PAPSS1: variants seen among roughly 807,000 people sequenced by gnomAD.
PAPSS1 encodes the protein bifunctional 3'-phosphoadenosine 5'-phosphosulfate synthase 1.
PAPSS1 carries 50 observed loss-of-function variants against 72.0 expected under a neutral mutation model. The ratio of observed to expected loss-of-function variants is 0.69; its 90% CI spans 0.55 to 0.88. PAPSS1 has a LOEUF of 0.88. Among genes scored for constraint, PAPSS1 ranks in the 40% least tolerant of loss-of-function variants. PAPSS1 has a pLI of 0.00. For missense variants in PAPSS1, 657 were observed against 782.2 expected (o/e 0.84, Z 1.91); for synonymous variants, 261 against 263.6 (o/e 0.99, Z 0.09).
intron 9 of PAPSS1, among the ~76,000 whole-genome samples, chr4:107,649,983 T>C (rs960983344): frequency 6.6e-6 from 1 of 152,226 alleles, no homozygotes; most frequent in African/African-American, 2.4e-5. Flanking sequence ...GATGTGTGTA[T>C]TAAAGATTTC....
At chr4:107,626,657 T>C (rs187145264) in intron 11 of PAPSS1, among the ~76,000 whole-genome samples, 4 of 152,344 alleles carry the variant, frequency 2.6e-5, no homozygotes, top group African/African-American at 9.6e-5. Context: ...TACATTGGTA[T>C]TTAATCAAAT....
At chr4:107,636,553 T>G (rs2067323867) in intron 10 of PAPSS1, among the ~76,000 whole-genome samples, 1 of 151,996 alleles carries the variant, frequency 6.6e-6, no homozygotes, top group African/African-American at 2.4e-5. Context: ...GTATGAATTC[T>G]AAGAAATCAA....
Position 107,687,166 on chromosome 4 carries a change from A to G in PAPSS1, c.423T>C (p.Asn141=), listed in dbSNP as rs752848504. 6.4e-7 allele frequency: 1 copy of G among 1,574,734 alleles called. No individual in the cohort carries two copies. Among genetic ancestry groups the G allele is most frequent in the Non-Finnish European group, 8.6e-7 (1 of 1,167,734 alleles). ...FISPYTQDRN[N]ARQIHEGASL... ...TTGCACCTTCATGAATTTGCCTTGC[A>G]TTGTTGCGATCCTTAAAAAAAAATA... The change falls in exon 4 of 12, where the codon AAT becomes AAC. Residue 141 remains asparagine, a synonymous_variant. Transcript: ENST00000265174.
chr4:107,643,267 CT>C (rs1425792788), intron 10 of PAPSS1, among the ~76,000 whole-genome samples: 1 of 152,224 alleles, frequency 6.6e-6, no homozygotes, highest in Non-Finnish European at 1.5e-5. Flanking sequence ...GGAGCGGGCT[CT>C]CCAGCAGCTG....
At chr4:107,658,504 C>A (rs879902658) in intron 6 of PAPSS1, among the ~76,000 whole-genome samples, 2 of 152,038 alleles carry the variant, frequency 1.3e-5, no homozygotes, top group African/African-American at 4.8e-5. Context: ...GTCAAAGGAC[C>A]GATGAACAAT....
intron 11 of PAPSS1, among the ~76,000 whole-genome samples, chr4:107,620,292 T>C (rs796540681): frequency 1.5e-4 from 23 of 152,312 alleles, no homozygotes; most frequent in African/African-American, 5.3e-4. Flanking sequence ...TCAAACATAG[T>C]ATACATCAAA....
Position 107,660,017 on chromosome 4 carries a change from T to C in PAPSS1, c.725A>G (p.Asn242Ser). 6.2e-7 allele frequency: 1 copy of C among 1,608,944 alleles called. No homozygotes were observed. Among genetic ancestry groups the C allele is most frequent in the Non-Finnish European group, 8.5e-7 (1 of 1,177,134 alleles). ...ATCTGTTTTTGCCAAATGAAGTTTA[T>C]TTTCTGGCACATATAGTTCTTTTAC... ...YEVKELYVPE[N>S]KLHLAKTDAE... Residue 242 changes from asparagine to serine, a missense_variant, in exon 6 of 12, where the codon AAT (asparagine) becomes AGT (serine). Coordinates refer to ENST00000265174, the MANE Select transcript of PAPSS1 (RefSeq NM_005443.5).
At chr4:107,694,257 A>G (rs558115366) in intron 2 of PAPSS1, 7 of 424,716 alleles carry the variant, frequency 1.6e-5, no homozygotes, top group South Asian at 1.1e-4. Context: ...AGAATTCTCA[A>G]TATGTTGCGC....
chr4:107,663,709 G>C (rs1165073607), intron 5 of PAPSS1, among the ~76,000 whole-genome samples: 1 of 152,158 alleles, frequency 6.6e-6, no homozygotes, highest in Admixed American at 6.5e-5. Flanking sequence ...TACATGCCAG[G>C]AACTGTTTAA....
chr4:107,614,552 A>AAC (rs3083991), intron 11 of PAPSS1, among the ~76,000 whole-genome samples, 165 bp from the exon 12 acceptor site: 89,344 of 151,738 alleles, frequency 0.59, 26,406 homozygotes, highest in Middle Eastern at 0.65. Context: ...CTGAACAAAA[A>AAC]ACCACTATTG....
chr4:107,675,120 A>C (rs1369150293), intron 5 of PAPSS1, among the ~76,000 whole-genome samples: 1 of 152,218 alleles, frequency 6.6e-6, no homozygotes, highest in Non-Finnish European at 1.5e-5. Context: ...CGCAATTAAA[A>C]GAACTAGAGA....
intron 3 of PAPSS1, among the ~76,000 whole-genome samples, chr4:107,688,806 C>G (rs56761174): frequency 2.0e-4 from 30 of 152,256 alleles, no homozygotes; most frequent in African/African-American, 7.0e-4. Flanking sequence ...ACACACATGT[C>G]CAAATTCTTC....
chr4:107,690,495 C>T (rs186229817), intron 3 of PAPSS1, among the ~76,000 whole-genome samples: 3 of 152,336 alleles, frequency 2.0e-5, no homozygotes, highest in East Asian at 3.9e-4. Context: ...TGTACTTCAT[C>T]ACTTGCCTCA....
At chr4:107,671,805 T>C (rs1055529081) in intron 5 of PAPSS1, among the ~76,000 whole-genome samples, 1 of 152,200 alleles carries the variant, frequency 6.6e-6, no homozygotes, top group Non-Finnish European at 1.5e-5. Flanking sequence ...GTAAATGTTA[T>C]ATAAGTATAT....
chr4:107,665,836 AC>A (rs1727301285), intron 5 of PAPSS1, among the ~76,000 whole-genome samples: 1 of 152,196 alleles, frequency 6.6e-6, no homozygotes, highest in African/African-American at 2.4e-5. Context: ...TTTTACCTGG[AC>A]ACTGGCAGGC....
intron 2 of PAPSS1, among the ~76,000 whole-genome samples, chr4:107,697,537 G>A (rs1233186725): frequency 6.6e-6 from 1 of 152,126 alleles, no homozygotes; most frequent in African/African-American, 2.4e-5. Flanking sequence ...TAATAAAAGT[G>A]TCTGTTCATA....
In PAPSS1 at chr4:107,616,080, TAGAGAGAGAG is replaced by T. The variant is rs34351516; in HGVS notation, c.1737-1703_1737-1694del. On this transcript the variant is annotated intron_variant, in intron 11 of 11. Coordinates refer to ENST00000265174, the MANE Select transcript of PAPSS1 (RefSeq NM_005443.5). The stretch of plus-strand genomic sequence containing the variant: ...AAATATCACTGCTATTTTTAGAAAA[TAGAGAGAGAG>T]AGAGAGAGAGTGTGTGTGCACATAA... Among the ~76,000 whole-genome samples the T allele has an allele frequency of 7.2e-3, 1,083 of 149,804 alleles. 38 individuals are homozygous for T. Among genetic ancestry groups the T allele is most frequent in the Admixed American group, 0.059 (884 of 15,034 alleles).
intron 10 of PAPSS1, among the ~76,000 whole-genome samples, chr4:107,632,360 A>G (rs899300574): frequency 6.6e-6 from 1 of 152,104 alleles, no homozygotes; most frequent in Non-Finnish European, 1.5e-5. Context: ...CACACTTATA[A>G]TTTATGAACT....
In PAPSS1 at chr4:107,614,285, C is replaced by T. The variant is rs1266677287; in HGVS notation, c.1839G>A (p.Val613=). The T allele has an allele frequency of 1.2e-6, 2 of 1,613,866 alleles. No individual in the cohort carries two copies. Among genetic ancestry groups the T allele is most frequent in the East Asian group, 4.5e-5 (2 of 44,886 alleles). ...EGFMAPKAWT[V]LTEYYKSLEK... The stretch of plus-strand genomic sequence containing the variant: ...CCAAGGATTTGTAGTATTCTGTCAG[C>T]ACGGTCCAAGCCTTGGGAGCCATGA... The change falls in exon 12 of 12, where the codon GTG becomes GTA. Residue 613 remains valine, a synonymous_variant. Coordinates refer to ENST00000265174, the MANE Select transcript of PAPSS1 (RefSeq NM_005443.5).
Sources: gnomAD v4.1 joint callset for allele counts (sites outside exome capture counted in the v4.1 genomes callset) on GRCh38, gnomAD v4.1.1 for gene constraint, MANE v1.5 for transcripts, NCBI Gene and HGNC (gene_info 2026-07-23, HGNC 2026-07-21) for gene names.